KCNH1: variants seen among roughly 807,000 people sequenced by gnomAD.
KCNH1 encodes the protein voltage-gated delayed rectifier potassium channel KCNH1.
Under a neutral mutation model 69.2 loss-of-function variants are expected in KCNH1, and 27 were observed. The observed-to-expected ratio is 0.39, with a 90% CI of 0.29 to 0.54. KCNH1 has a LOEUF of 0.54. Ranked by LOEUF, KCNH1 falls within the 20% of genes least tolerant of loss-of-function variation. The pLI, the probability that KCNH1 is intolerant of heterozygous loss-of-function variation, is 0.68. For missense variants in KCNH1, 798 were observed against 1,261.6 expected (o/e 0.63, Z 5.57); for synonymous variants, 456 against 487.7 (o/e 0.93, Z 0.86).
rs534575339 is a variant in KCNH1 at position 210,761,239 on chromosome 1, G to A, written c.2112+14109C>T. Among the ~76,000 whole-genome samples, 10 of 99,928 alleles carry A rather than the reference G, an allele frequency of 1.0e-4. No individual in the cohort carries two copies. In the Admixed American group the frequency reaches 1.1e-3, roughly 11 times the overall value. 65.6% of individuals were successfully genotyped at this position (99,928 alleles called of 152,430 possible). ...TGCACTCCAGCCTGGGCGACAGAGC[G>A]AGACTCCGTCAAAAAAAAAAAAAAA... On this transcript the variant is annotated intron_variant, in intron 10 of 10. Transcript: ENST00000271751.
intron 10 of KCNH1, among the ~76,000 whole-genome samples, chr1:210,751,872 G>A (rs897238131): frequency 1.1e-4 from 17 of 152,046 alleles, no homozygotes; most frequent in African/African-American, 3.1e-4. Context: ...AACCATAGGC[G>A]ATACCTGCTC....
At chr1:210,777,487 G>A in intron 9 of KCNH1, among the ~76,000 whole-genome samples, 1 of 152,142 alleles carries the variant, frequency 6.6e-6, no homozygotes, top group East Asian at 1.9e-4. Context: ...AACATGGGTG[G>A]CTAATTTAGG....
At chr1:210,846,700 C>T (rs1685556953) in intron 7 of KCNH1, among the ~76,000 whole-genome samples, 1 of 151,862 alleles carries the variant, frequency 6.6e-6, no homozygotes, top group Non-Finnish European at 1.5e-5. Flanking sequence ...ACACCAAAAG[C>T]AATGGCAACA....
intron 7 of KCNH1, among the ~76,000 whole-genome samples, chr1:210,908,045 TA>T: frequency 6.6e-6 from 1 of 152,288 alleles, no homozygotes; most frequent in East Asian, 1.9e-4. Flanking sequence ...TTTGGTGCAA[TA>T]AAAAGCCCAC....
At chr1:211,042,767 C>G (rs1207396777) in intron 5 of KCNH1, among the ~76,000 whole-genome samples, 1 of 152,142 alleles carries the variant, frequency 6.6e-6, no homozygotes, top group Non-Finnish European at 1.5e-5. Context: ...TTATATCAAG[C>G]ACTCTCTCAG....
At chr1:211,067,004 G>GA (rs1558589852) in intron 5 of KCNH1, among the ~76,000 whole-genome samples, 7 of 145,324 alleles carry the variant, frequency 4.8e-5, no homozygotes, top group Non-Finnish European at 7.8e-5. Flanking sequence ...TTCCTCACGG[G>GA]GAAGGTTTCA....
chr1:210,803,558 A>C (rs1192789294), intron 8 of KCNH1, among the ~76,000 whole-genome samples: 1 of 152,214 alleles, frequency 6.6e-6, no homozygotes, highest in East Asian at 1.9e-4. Context: ...TGATGAACAA[A>C]ATATCAAAAG....
At chr1:210,863,638 C>T (rs1686031042) in intron 7 of KCNH1, among the ~76,000 whole-genome samples, 1 of 152,216 alleles carries the variant, frequency 6.6e-6, no homozygotes, top group African/African-American at 2.4e-5. Flanking sequence ...GTACCTCCAT[C>T]ACTGACATTA....
At chr1:210,971,331 A>C (rs1558547552) in intron 6 of KCNH1, among the ~76,000 whole-genome samples, 1 of 152,140 alleles carries the variant, frequency 6.6e-6, no homozygotes, top group Non-Finnish European at 1.5e-5. Context: ...TCTGTGACCC[A>C]TAAGTTATTT....
chr1:210,836,362 T>C (rs531750576), intron 7 of KCNH1, among the ~76,000 whole-genome samples: 14 of 152,282 alleles, frequency 9.2e-5, no homozygotes, highest in African/African-American at 2.9e-4. Flanking sequence ...TGCACAGAAG[T>C]TGTATAACAT....
At chr1:210,777,474 T>C (rs1683884680) in intron 9 of KCNH1, among the ~76,000 whole-genome samples, 1 of 152,210 alleles carries the variant, frequency 6.6e-6, no homozygotes, top group African/African-American at 2.4e-5. Context: ...TTCAATCATC[T>C]GTAACATGGG....
At chr1:210,988,351 A>G (rs1688882179) in intron 6 of KCNH1, among the ~76,000 whole-genome samples, 4 of 152,196 alleles carry the variant, frequency 2.6e-5, no homozygotes. Flanking sequence ...GGAAATGCAG[A>G]AATCACGGGT....
rs1418554106 is a variant in KCNH1 at position 210,919,771 on chromosome 1, G to A, written c.1331C>T (p.Pro444Leu). Reference sequence around the variant, plus strand: ...GGAGATGTAGACAGAATTCTTGCTGGGACCACCTTCCCACTTCCCTGAGCC... The same window carrying A: ...GGAGATGTAGACAGAATTCTTGCTGAGACCACCTTCCCACTTCCCTGAGCC... ...GSGSGKWEGGPSKNSVYISSL... is the reference protein window; with the variant it reads ...GSGSGKWEGGLSKNSVYISSL... Residue 444 changes from proline to leucine, a missense_variant, in exon 7 of 11, where the codon CCC (proline) becomes CTC (leucine). This residue lies in a region of KCNH1 where 197 missense variants were observed against 407.7 expected (regional missense o/e 0.48). Transcript: ENST00000271751. The surrounding 1 kb of genome is among the most constrained non-coding windows in gnomAD (Gnocchi z 4.2). The A allele has an allele frequency of 1.2e-6, 2 of 1,614,126 alleles. No individual in the cohort carries two copies. The highest frequency in any genetic ancestry group is 2.2e-5 in the South Asian group (2 of 91,080).
chr1:210,899,803 C>T (rs1327343454), intron 7 of KCNH1, among the ~76,000 whole-genome samples: 1 of 152,180 alleles, frequency 6.6e-6, no homozygotes, highest in African/African-American at 2.4e-5. Flanking sequence ...GAACATCTTG[C>T]CCAAGGTCTC....
chr1:210,689,529 A>AATG (rs1485134378), intron 10 of KCNH1, among the ~76,000 whole-genome samples: 4 of 152,224 alleles, frequency 2.6e-5, no homozygotes, highest in Non-Finnish European at 5.9e-5. Context: ...ATACATATGT[A>AATG]ATGTCAGTCC....
At chr1:210,804,345 G>T (rs567575877) in intron 7 of KCNH1, among the ~76,000 whole-genome samples, 179 bp from the exon 8 acceptor site, 1 of 152,304 alleles carries the variant, frequency 6.6e-6, no homozygotes, top group East Asian at 1.9e-4. Flanking sequence ...GGGCATGGAT[G>T]CAAAGAAAGA....
chr1:210,745,925 G>GT (rs35677651), intron 10 of KCNH1, among the ~76,000 whole-genome samples: 10 of 151,204 alleles, frequency 6.6e-5, no homozygotes, highest in African/African-American at 1.7e-4. Context: ...TGGCACTAGA[G>GT]GGGGGGTGGT....
intron 1 of KCNH1, among the ~76,000 whole-genome samples, chr1:211,117,720 A>T (rs1192708346): frequency 6.6e-6 from 1 of 152,192 alleles, no homozygotes; most frequent in African/African-American, 2.4e-5. Context: ...AATTCTAGTC[A>T]CAGTGTTGTC....
chr1:210,701,273 A>G (rs185519968), intron 10 of KCNH1, among the ~76,000 whole-genome samples: 1 of 151,864 alleles, frequency 6.6e-6, no homozygotes, highest in Admixed American at 6.6e-5. Context: ...GGGTCTCTTT[A>G]TTTTGCCCAG....
Sources: allele counts gnomAD v4.1 joint callset (sites outside exome capture counted in the v4.1 genomes callset), GRCh38; gene constraint gnomAD v4.1.1; regional missense constraint gnomAD v4.1.1; non-coding constraint Gnocchi (gnomAD v3.1); transcripts MANE v1.5; gene names NCBI Gene and HGNC (gene_info 2026-07-23, HGNC 2026-07-21).